Variants in TAFA1 observed in about 807,000 individuals in gnomAD.
TAFA1 encodes TAFA chemokine like family member 1, also known as chemokine-like protein TAFA-1.
A neutral mutation model predicts 18.5 loss-of-function variants in TAFA1; 4 were observed. The observed-to-expected ratio is 0.22, with a 90% confidence interval of 0.11 to 0.49. The LOEUF is 0.49. TAFA1 is among the 20% of genes least tolerant of loss of function. TAFA1 has a pLI of 0.98. For missense variants in TAFA1, 147 were observed against 169.0 expected (o/e 0.87, Z 0.72); for synonymous variants, 56 against 55.2 (o/e 1.01, Z -0.06).
intron 2 of TAFA1, among the ~76,000 whole-genome samples, chr3:68,024,147 T>C (rs538751307): frequency 6.6e-6 from 1 of 152,188 alleles, no homozygotes; most frequent in African/African-American, 2.4e-5. Context: ...AAGTATTTTT[T>C]ATTCTCCTTA....
At chr3:68,415,932 T>C (rs769081530) in intron 2 of TAFA1, among the ~76,000 whole-genome samples, 6 of 152,230 alleles carry the variant, frequency 3.9e-5, no homozygotes, top group African/African-American at 1.4e-4. Context: ...GTTTCTTTCA[T>C]GTTAGGCCAG....
chr3:68,421,519 A>G (rs2070955089), intron 3 of TAFA1, among the ~76,000 whole-genome samples: 2 of 152,134 alleles, frequency 1.3e-5, no homozygotes, highest in African/African-American at 4.8e-5. Context: ...ATATACCTGG[A>G]TGGAATCGCA....
At chr3:68,167,997 T>A (rs1575656922) in intron 2 of TAFA1, among the ~76,000 whole-genome samples, 1 of 152,164 alleles carries the variant, frequency 6.6e-6, no homozygotes, top group East Asian at 1.9e-4. Flanking sequence ...TAAAAGTCAC[T>A]TTCAATGTCA....
intron 3 of TAFA1, among the ~76,000 whole-genome samples, chr3:68,499,485 A>C (rs1177700495): frequency 3.6e-5 from 5 of 140,236 alleles, no homozygotes; most frequent in Non-Finnish European, 7.6e-5. Flanking sequence ...GCTACAAACT[A>C]AAATTTCTGA....
At chr3:68,136,802 C>T (rs2065613960) in intron 2 of TAFA1, among the ~76,000 whole-genome samples, 2 of 152,252 alleles carry the variant, frequency 1.3e-5, no homozygotes, top group Non-Finnish European at 2.9e-5. Context: ...ATTGGATTCT[C>T]TCTTCCATCA....
rs542287775 is a variant in TAFA1 at position 68,150,968 on chromosome 3, T to C, written c.118+144224T>C. On this transcript the variant is annotated intron_variant, in intron 2 of 4. Coordinates refer to ENST00000478136, the MANE Select transcript of TAFA1 (RefSeq NM_213609.4). ...CAACCTAATAACATTGGCTTTATTT[T>C]CCTCAATTTATACACTAGAAACTAG... Among the ~76,000 whole-genome samples the C allele has an allele frequency of 1.8e-4, 28 of 152,168 alleles. 1 individual carries two copies. The East Asian group carries it at 5.2e-3, about 29-fold the overall frequency.
At chr3:68,323,988 T>G (rs1575777236) in intron 2 of TAFA1, among the ~76,000 whole-genome samples, 1 of 152,182 alleles carries the variant, frequency 6.6e-6, no homozygotes, top group East Asian at 1.9e-4. Context: ...TTCTTCATTC[T>G]CCGTAAATAC....
In TAFA1 at chr3:68,229,599, G is replaced by C. The variant is rs564903089; in HGVS notation, c.119-187681G>C. ...AAACATAGGCTGGAACTGTAGCATG[G>C]CCAAGATGATTATAACATAGTTGAC... On this transcript the variant is annotated intron_variant, in intron 2 of 4. Transcript: ENST00000478136. Among the ~76,000 whole-genome samples, 3 of 152,294 alleles carry C rather than the reference G, an allele frequency of 2.0e-5. No homozygotes were observed. In the East Asian group the frequency reaches 5.8e-4, roughly 29 times the overall value.
At chr3:68,054,344 C>T (rs985788437) in intron 2 of TAFA1, among the ~76,000 whole-genome samples, 1 of 152,082 alleles carries the variant, frequency 6.6e-6, no homozygotes, top group Non-Finnish European at 1.5e-5. Context: ...TTAAAAGGAG[C>T]CTGGCACCTC....
chr3:68,338,523 C>T (rs111728222), intron 2 of TAFA1, among the ~76,000 whole-genome samples: 480 of 152,086 alleles, frequency 3.2e-3, no homozygotes, highest in African/African-American at 0.01. Context: ...TGTGTTGAAC[C>T]CTTTATAATG....
At chr3:68,206,523 G>T (rs573085714) in intron 2 of TAFA1, among the ~76,000 whole-genome samples, 1 of 151,606 alleles carries the variant, frequency 6.6e-6, no homozygotes, top group Non-Finnish European at 1.5e-5. Context: ...CAATTTAAAC[G>T]GCTTAAGTAA....
chr3:67,998,397 G>A, the TAFA1 span, among the ~76,000 whole-genome samples: 2 of 151,934 alleles, frequency 1.3e-5, no homozygotes, highest in African/African-American at 4.8e-5. Flanking sequence ...TCTCCTTTAA[G>A]TGCCACCCTC....
At chr3:68,029,570 A>G (rs1314527981) in intron 2 of TAFA1, among the ~76,000 whole-genome samples, 1 of 152,226 alleles carries the variant, frequency 6.6e-6, no homozygotes, top group Non-Finnish European at 1.5e-5. Context: ...CTCACTAGCC[A>G]CATTTCAAGT....
chr3:68,168,237 C>T (rs1472775125), intron 2 of TAFA1, among the ~76,000 whole-genome samples: 3 of 151,630 alleles, frequency 2.0e-5, no homozygotes, highest in Non-Finnish European at 4.4e-5. Flanking sequence ...TCTTTCTAGC[C>T]CAGTGGCAAT....
At chr3:68,384,115 T>G (rs945927730) in intron 2 of TAFA1, among the ~76,000 whole-genome samples, 49 of 152,040 alleles carry the variant, frequency 3.2e-4, no homozygotes, top group African/African-American at 1.2e-3. Flanking sequence ...TTTTATTAAT[T>G]TTCTCAAAAA....
chr3:68,300,404 A>C (rs2068281388), intron 2 of TAFA1, among the ~76,000 whole-genome samples: 1 of 151,878 alleles, frequency 6.6e-6, no homozygotes, highest in Admixed American at 6.6e-5. Flanking sequence ...AAATGGAAAA[A>C]GAACATTTAC....
intron 2 of TAFA1, among the ~76,000 whole-genome samples, chr3:68,148,447 A>G (rs961381752): frequency 6.6e-6 from 1 of 152,196 alleles, no homozygotes; most frequent in African/African-American, 2.4e-5. Flanking sequence ...AATTTACTAT[A>G]CATTTTCATT....
intron 2 of TAFA1, among the ~76,000 whole-genome samples, chr3:68,076,872 G>A (rs2106762811): frequency 6.6e-6 from 1 of 152,306 alleles, no homozygotes; most frequent in East Asian, 1.9e-4. Flanking sequence ...AGATCCCCGA[G>A]GAATCGCCAC....
chr3:68,442,854 G>T (rs2071408851), intron 3 of TAFA1, among the ~76,000 whole-genome samples: 1 of 152,146 alleles, frequency 6.6e-6, no homozygotes, highest in South Asian at 2.1e-4. Context: ...TCAGATAGCT[G>T]ATAAGGATTG....
Sources: gnomAD v4.1 joint callset for allele counts (sites outside exome capture counted in the v4.1 genomes callset) on GRCh38, gnomAD v4.1.1 for gene constraint, MANE v1.5 for transcripts, NCBI Gene and HGNC (gene_info 2026-07-23, HGNC 2026-07-21) for gene names.